The following DNAAF11 variants were observed in gnomAD, a reference collection of about 807,000 sequenced individuals.
DNAAF11 encodes the protein leucine rich repeat containing 6.
Under a neutral mutation model 60.8 loss-of-function variants are expected in DNAAF11, and 45 were observed. The observed-to-expected ratio is 0.74, with a 90% CI of 0.58 to 0.95. The LOEUF (loss-of-function observed/expected upper bound fraction) is 0.95. Among genes scored for constraint, DNAAF11 ranks in the 40% least tolerant of loss-of-function variants. The pLI, the probability that DNAAF11 is intolerant of heterozygous loss-of-function variation, is 0.00. For synonymous variants in DNAAF11, 191 were observed against 183.5 expected (o/e 1.04, Z -0.33); for missense variants, 546 against 546.2 (o/e 1.00, Z 0.00).
intron 3 of DNAAF11, 73 bp from the exon 4 acceptor site, chr8:132,638,180 C>A: frequency 8.9e-7 from 1 of 1,120,068 alleles, no homozygotes; most frequent in Non-Finnish European, 1.3e-6. Flanking sequence ...TGTGTAACAT[C>A]ACATAACAGA....
At position 132,637,938 on chromosome 8, in the gene DNAAF11, T is replaced by C. The variant is rs754514256; in HGVS notation, c.426A>G (p.Leu142=). 11 of 1,604,338 alleles carry C rather than the reference T, an allele frequency of 6.9e-6. No homozygotes were observed. Among genetic ancestry groups the C allele is most frequent in the Non-Finnish European group, 8.5e-6 (10 of 1,175,556 alleles). ...TGCACCATTAAAAGAACCATACCTT[T>C]AATTGTGGAAGAGTTGCTACCACGA... ...REFVVATLPQ[L]KWLDGKEIEP... The change falls in exon 4 of 12, where the codon TTA becomes TTG. Residue 142 remains leucine, a synonymous_variant. Transcript: ENST00000620350.
intron 1 of DNAAF11, among the ~76,000 whole-genome samples, chr8:132,667,134 C>T (rs1461392474): frequency 6.6e-6 from 1 of 152,170 alleles, no homozygotes; most frequent in Non-Finnish European, 1.5e-5. Context: ...TGAACTTCTA[C>T]TATTATTTAG....
At chr8:132,652,275 C>T (rs1321491281) in intron 3 of DNAAF11, among the ~76,000 whole-genome samples, 1 of 152,176 alleles carries the variant, frequency 6.6e-6, no homozygotes, top group African/African-American at 2.4e-5. Context: ...CAAGCAGAAC[C>T]TCACAACTGC....
chr8:132,643,675 A>G (rs1296580606), intron 3 of DNAAF11: 1 of 456,306 alleles, frequency 2.2e-6, no homozygotes, highest in South Asian at 1.5e-5. Context: ...TCAGGAAGTC[A>G]ATAGATGACA....
At chr8:132,676,822 A>G (rs1467535842), upstream of DNAAF11, among the ~76,000 whole-genome samples, 1 of 152,144 alleles carries the variant, frequency 6.6e-6, no homozygotes, top group Non-Finnish European at 1.5e-5. Flanking sequence ...AGGCCAAAGG[A>G]ACTGAACTGG....
At chr8:132,679,089 A>G (rs1586770306), upstream of DNAAF11, among the ~76,000 whole-genome samples, 2 of 152,080 alleles carry the variant, frequency 1.3e-5, no homozygotes, top group Non-Finnish European at 1.5e-5. Context: ...TCATGAATAT[A>G]TTACAGATTA....
At chr8:132,641,478 C>T (rs1032623312) in intron 3 of DNAAF11, among the ~76,000 whole-genome samples, 2 of 151,924 alleles carry the variant, frequency 1.3e-5, no homozygotes, top group Non-Finnish European at 2.9e-5. Flanking sequence ...ATAAAAGATT[C>T]CTTGGCGTGA....
intron 8 of DNAAF11, among the ~76,000 whole-genome samples, chr8:132,612,929 G>A (rs1230394189): frequency 6.6e-6 from 1 of 152,160 alleles, no homozygotes; most frequent in African/African-American, 2.4e-5. Context: ...GTTTCCATTT[G>A]AGGACTGAAC....
intron 8 of DNAAF11, 44 bp from the exon 9 acceptor site, chr8:132,611,407 C>T (rs1044734788): frequency 8.4e-7 from 1 of 1,185,726 alleles, no homozygotes; most frequent in Non-Finnish European, 1.2e-6. Flanking sequence ...TAAAAAATAT[C>T]AAGTTTGAAT....
At chr8:132,581,880 T>C (rs1293823821) in intron 11 of DNAAF11, among the ~76,000 whole-genome samples, 1 of 152,076 alleles carries the variant, frequency 6.6e-6, no homozygotes, top group Admixed American at 6.5e-5. Flanking sequence ...AATAAATCCC[T>C]TCGTTTGGAG....
At chr8:132,702,451 C>T in the DNAAF11 span, among the ~76,000 whole-genome samples, 24 of 152,288 alleles carry the variant, frequency 1.6e-4, no homozygotes, top group African/African-American at 2.9e-4. Flanking sequence ...TAGATTAACA[C>T]GGCCGCAGCT....
At chr8:132,613,514 C>T (rs1195028752) in intron 8 of DNAAF11, among the ~76,000 whole-genome samples, 1 of 152,072 alleles carries the variant, frequency 6.6e-6, no homozygotes, top group Non-Finnish European at 1.5e-5. Flanking sequence ...TTAGTGGTTG[C>T]CATGAAGACA....
Position 132,610,162 on chromosome 8 carries a change from C to T in DNAAF11, c.1140+4G>A. The T allele has an allele frequency of 6.2e-7, 1 of 1,610,844 alleles. No homozygotes were observed. Among genetic ancestry groups the T allele is most frequent in the South Asian group, 1.1e-5 (1 of 90,954 alleles). ...TTGAAATTGACCCAAATGACATGAC[C>T]TACCTTGGGCATGCAGATGACCAAA... On this transcript the variant is annotated splice_donor_region_variant and intron_variant, in intron 10 of 11. Coordinates refer to ENST00000620350, the MANE Select transcript of DNAAF11 (RefSeq NM_012472.6).
chr8:132,615,157 C>T, intron 7 of DNAAF11, 60 bp from the exon 8 acceptor site: 2 of 970,076 alleles, frequency 2.1e-6, no homozygotes, highest in South Asian at 1.5e-5. Context: ...TATAGAAAAC[C>T]CCATCATAAA....
intron 2 of DNAAF11, among the ~76,000 whole-genome samples, chr8:132,660,010 T>C (rs1162922976): frequency 1.3e-5 from 2 of 152,178 alleles, no homozygotes; most frequent in Non-Finnish European, 2.9e-5. Context: ...AAGTTAAATA[T>C]GATCCTGCAA....
intron 1 of DNAAF11, among the ~76,000 whole-genome samples, chr8:132,674,354 C>T (rs191081579): frequency 3.9e-5 from 6 of 152,196 alleles, no homozygotes; most frequent in Admixed American, 3.9e-4. Context: ...CCCCCCCGAC[C>T]CCCACCTCTC....
intron 6 of DNAAF11, among the ~76,000 whole-genome samples, chr8:132,624,396 C>G (rs982955676): frequency 2.0e-5 from 3 of 152,130 alleles, no homozygotes; most frequent in African/African-American, 4.8e-5. Flanking sequence ...AATGCTCTTC[C>G]CAAAGGACTG....
intron 9 of DNAAF11, among the ~76,000 whole-genome samples, chr8:132,610,792 A>T (rs1034676114): frequency 6.6e-5 from 10 of 152,216 alleles, no homozygotes; most frequent in African/African-American, 1.7e-4. Flanking sequence ...GTCAGCAGCC[A>T]TTCCCACCTT....
In DNAAF11 at chr8:132,650,609, A is replaced by G. The variant is rs919387329; in HGVS notation, c.256+6221T>C. On this transcript the variant is annotated intron_variant, in intron 3 of 11. Coordinates refer to ENST00000620350, the MANE Select transcript of DNAAF11 (RefSeq NM_012472.6). ...TGTAGGCTCAGGCACTATATGAAGG[A>G]TGTGTACAAAACTATATCTACAAAT... Among the ~76,000 whole-genome samples the G allele has an allele frequency of 5.9e-5, 9 of 152,330 alleles. No homozygotes were observed. In the South Asian group the frequency reaches 1.9e-3, roughly 32 times the overall value.
Sources: allele counts gnomAD v4.1 joint callset (sites outside exome capture counted in the v4.1 genomes callset), GRCh38; gene constraint gnomAD v4.1.1; transcripts MANE v1.5; gene names NCBI Gene and HGNC (gene_info 2026-07-23, HGNC 2026-07-21).